The following TNS3 variants were observed in gnomAD, a reference collection of about 807,000 sequenced individuals.
TNS3 encodes tensin 3, also known as tensin-3.
TNS3 carries 45 observed loss-of-function variants against 140.9 expected under a neutral mutation model. That is an observed-to-expected ratio of 0.32 (90% CI 0.25 to 0.41). The LOEUF (loss-of-function observed/expected upper bound fraction) is 0.41. TNS3 is among the 10% of genes least tolerant of loss of function. The probability of loss-of-function intolerance (pLI) is 1.00; values close to 1 mark genes in which losing one functional copy is unlikely to be tolerated. For synonymous variants in TNS3, 815 were observed against 788.4 expected, an observed-to-expected ratio of 1.03 and a Z score of -0.56; for missense variants, 1,716 against 1,906.7, an observed-to-expected ratio of 0.90 and a Z score of 1.86.
At chr7:47,432,196 G>T (rs2151517441) in intron 8 of TNS3, among the ~76,000 whole-genome samples, 1 of 152,340 alleles carries the variant, frequency 6.6e-6, no homozygotes, top group African/African-American at 2.4e-5. Flanking sequence ...TATAAAAGAT[G>T]ATTGGGTCAT....
intron 3 of TNS3, among the ~76,000 whole-genome samples, chr7:47,506,045 T>C (rs1358485304): frequency 3.9e-5 from 6 of 152,134 alleles, no homozygotes; most frequent in African/African-American, 7.2e-5. Context: ...TCTGTAACAG[T>C]AGCAAAATCC....
rs753819496 is a variant in TNS3, at chr7:47,291,943, G to A, written c.3928+12C>T. On this transcript the variant is annotated intron_variant, in intron 27 of 30. Coordinates refer to ENST00000311160, the MANE Select transcript of TNS3 (RefSeq NM_022748.12). ...AGTCACCAGATGTAGAAATGGAGCT[G>A]CATTTACTGACCTGCCCCCTGCTTC... is the stretch of plus-strand genomic sequence containing the variant. The A allele has an allele frequency of 2.5e-6, 4 of 1,613,778 alleles. No individual in the cohort carries two copies. The South Asian group carries it at 4.4e-5, about 18-fold the overall frequency.
rs115394392 is a variant in TNS3 at position 47,372,696 on chromosome 7, T to C, written c.1025-3075A>G. On this transcript the variant is annotated intron_variant, in intron 16 of 30. Transcript: ENST00000311160. ...TCTGAGCACTCAGAGCAGGGTCTCATCGAATCCTGACAGCCCAGGTGGCGT... is the reference window on the plus strand; with the variant it reads ...TCTGAGCACTCAGAGCAGGGTCTCACCGAATCCTGACAGCCCAGGTGGCGT... 9.3e-3 allele frequency among the ~76,000 whole-genome samples: 1,420 copies of C among 152,296 alleles called. 19 individuals are homozygous for C. The highest frequency in any genetic ancestry group is 0.033 in the African/African-American group (1,363 of 41,550).
intron 2 of TNS3, among the ~76,000 whole-genome samples, chr7:47,518,498 C>G (rs549894723): frequency 1.3e-5 from 2 of 152,288 alleles, no homozygotes; most frequent in African/African-American, 4.8e-5. Flanking sequence ...TACTCTTTCT[C>G]TCTTTCTTTC....
intron 4 of TNS3, among the ~76,000 whole-genome samples, chr7:47,465,013 A>T (rs892231088): frequency 6.6e-6 from 1 of 152,174 alleles, no homozygotes; most frequent in Admixed American, 6.5e-5. Context: ...CATGCACAAA[A>T]CCTATCAAGG....
At chr7:47,393,368 G>T (rs1792640900) in intron 16 of TNS3, among the ~76,000 whole-genome samples, 1 of 152,200 alleles carries the variant, frequency 6.6e-6, no homozygotes, top group African/African-American at 2.4e-5. Context: ...GGGTCAGGAG[G>T]AGGGGATGCA....
chr7:47,544,719 A>G (rs1185016626), intron 1 of TNS3, among the ~76,000 whole-genome samples: 2 of 152,018 alleles, frequency 1.3e-5, no homozygotes, highest in African/African-American at 2.4e-5. Context: ...ACTGCTACCA[A>G]TGGGTGTCCC....
chr7:47,578,868 A>C (rs2152030253), intron 1 of TNS3, among the ~76,000 whole-genome samples: 1 of 152,320 alleles, frequency 6.6e-6, no homozygotes, highest in South Asian at 2.1e-4. Context: ...ACGGGCCTGC[A>C]TCCGGATTCA....
intron 20 of TNS3, among the ~76,000 whole-genome samples, chr7:47,340,053 G>GTATA (rs555997068): frequency 8.4e-6 from 1 of 119,702 alleles, no homozygotes; most frequent in Non-Finnish European, 1.7e-5. Flanking sequence ...GTATATGTGT[G>GTATA]TATATATATA....
intron 21 of TNS3, 84 bp downstream of exon 21, chr7:47,304,748 A>G: frequency 7.9e-7 from 1 of 1,265,340 alleles, no homozygotes; most frequent in Non-Finnish European, 1.0e-6. Context: ...TCTGAAGAGC[A>G]AGCCCCCGCT....
Position 47,469,701 on chromosome 7 carries a change from C to T in TNS3, c.-76+11402G>A, listed in dbSNP as rs533872210. On this transcript the variant is annotated intron_variant, in intron 4 of 30. Coordinates refer to ENST00000311160, the MANE Select transcript of TNS3 (RefSeq NM_022748.12). Reference sequence around the variant, plus strand: ...AAGAAAATGTGGTATAGGCTGGGCACGGTGGCTCACGCCTGTAATCCCAGC... The same window carrying T: ...AAGAAAATGTGGTATAGGCTGGGCATGGTGGCTCACGCCTGTAATCCCAGC... 1.1e-4 allele frequency among the ~76,000 whole-genome samples: 16 copies of T among 152,238 alleles called. No individual in the cohort carries two copies. In the East Asian group the frequency reaches 2.9e-3, roughly 28 times the overall value.
At chr7:47,376,776 A>T (rs1791417362) in intron 16 of TNS3, among the ~76,000 whole-genome samples, 1 of 108,644 alleles carries the variant, frequency 9.2e-6, no homozygotes, top group African/African-American at 3.1e-5. Flanking sequence ...CACCTCACTC[A>T]CTCTTCAGAG....
chr7:47,500,909 G>A (rs893882393), intron 3 of TNS3, among the ~76,000 whole-genome samples: 23 of 151,788 alleles, frequency 1.5e-4, no homozygotes, highest in South Asian at 4.2e-4. Flanking sequence ...GTGAAACCCC[G>A]TCTCTACTAA....
intron 2 of TNS3, among the ~76,000 whole-genome samples, chr7:47,511,667 A>C (rs1426329479): frequency 1.3e-5 from 2 of 151,748 alleles, no homozygotes; most frequent in Non-Finnish European, 2.9e-5. Context: ...TAAGGACCCA[A>C]CTTTGACCAA....
intron 1 of TNS3, among the ~76,000 whole-genome samples, chr7:47,532,749 C>A (rs1799453187): frequency 6.6e-6 from 1 of 152,116 alleles, no homozygotes; most frequent in Non-Finnish European, 1.5e-5. Flanking sequence ...AGAAATTGGA[C>A]ACCCCAAAGA....
intron 5 of TNS3, among the ~76,000 whole-genome samples, chr7:47,441,329 C>T (rs1022171748): frequency 6.6e-6 from 1 of 152,156 alleles, no homozygotes; most frequent in Non-Finnish European, 1.5e-5. Context: ...CAGGCATGCG[C>T]TATCACACCC....
Position 47,437,252 on chromosome 7 carries a change from G to T in TNS3, c.201+11C>A. The T allele has an allele frequency of 6.4e-7, 1 of 1,551,876 alleles. No homozygotes were observed. The highest frequency in any genetic ancestry group is 8.7e-7 in the Non-Finnish European group (1 of 1,152,614). On this transcript the variant is annotated intron_variant, in intron 7 of 30. Transcript: ENST00000311160. ...TACAAAATGCAGAATATAAAGGGATGAACTCTGTACCTTTGGGTTAAGCTT... is the reference window on the plus strand; with the variant it reads ...TACAAAATGCAGAATATAAAGGGATTAACTCTGTACCTTTGGGTTAAGCTT...
chr7:47,481,402 G>T lies in TNS3; in HGVS notation c.-114-261C>A, dbSNP rs941821784. 4 of 314,866 alleles carry T rather than the reference G, an allele frequency of 1.3e-5. No homozygotes were observed. In the Admixed American group the frequency reaches 1.8e-4, roughly 14 times the overall value. The allele number at this position is 314,866 out of a possible 1,614,324, so 19.5% of individuals were successfully genotyped here. A position where few individuals can be genotyped will look rare whatever the true frequency, so the allele number is the denominator to read the frequency against. Reference sequence around the variant, plus strand: ...TCCAGAAAAATGCAAATCACTCATAGATACAAAATTTAGCCCCCACTTTCA... The same window carrying T: ...TCCAGAAAAATGCAAATCACTCATATATACAAAATTTAGCCCCCACTTTCA... On this transcript the variant is annotated intron_variant, in intron 3 of 30. Transcript: ENST00000311160.
intron 2 of TNS3, among the ~76,000 whole-genome samples, chr7:47,521,760 A>G (rs1798988643): frequency 6.6e-6 from 1 of 152,150 alleles, no homozygotes; most frequent in South Asian, 2.1e-4. Flanking sequence ...TGGGGGAGTC[A>G]GGAGAGACCA....
Sources: allele counts gnomAD v4.1 joint callset (sites outside exome capture counted in the v4.1 genomes callset), GRCh38; gene constraint gnomAD v4.1.1; transcripts MANE v1.5; gene names NCBI Gene and HGNC (gene_info 2026-07-23, HGNC 2026-07-21).